SLC39A11: variants seen among roughly 807,000 people sequenced by gnomAD.
SLC39A11 encodes zinc transporter ZIP11.
A neutral mutation model predicts 36.1 loss-of-function variants in SLC39A11; 33 were observed. The observed-to-expected ratio is 0.91, with a 90% confidence interval of 0.69 to 1.22. The LOEUF is 1.22. Ranked by LOEUF, SLC39A11 falls within the 50% of genes most tolerant of loss-of-function variation. SLC39A11 has a pLI of 0.00. For missense variants in SLC39A11, 432 were observed against 430.3 expected (o/e 1.00, Z -0.03); for synonymous variants, 166 against 170.3 (o/e 0.97, Z 0.20).
chr17:72,685,983 C>CTATG (rs2071728852), intron 7 of SLC39A11, among the ~76,000 whole-genome samples: 1 of 151,858 alleles, frequency 6.6e-6, no homozygotes, highest in Non-Finnish European at 1.5e-5. Flanking sequence ...TTGCAGTGAG[C>CTATG]TATGATCCCA....
intron 6 of SLC39A11, among the ~76,000 whole-genome samples, chr17:72,760,308 G>A (rs773056016): frequency 3.3e-5 from 5 of 152,240 alleles, no homozygotes; most frequent in East Asian, 1.9e-4. Context: ...GACTACAGGC[G>A]TGAGCCACTG....
chr17:72,676,823 G>A (rs550539452), intron 7 of SLC39A11, among the ~76,000 whole-genome samples: 10 of 152,198 alleles, frequency 6.6e-5, no homozygotes, highest in African/African-American at 1.9e-4. Flanking sequence ...ATAAAATCTC[G>A]GGCACTGGTT....
At chr17:72,713,786 A>G (rs1161425022) in intron 7 of SLC39A11, among the ~76,000 whole-genome samples, 1 of 152,182 alleles carries the variant, frequency 6.6e-6, no homozygotes, top group Non-Finnish European at 1.5e-5. Context: ...GAGGGTGATA[A>G]TAACAGCTAT....
intron 7 of SLC39A11, among the ~76,000 whole-genome samples, chr17:72,706,189 C>T (rs2072887253): frequency 1.3e-5 from 2 of 152,140 alleles, no homozygotes; most frequent in Non-Finnish European, 2.9e-5. Context: ...TTATTCATGT[C>T]TCATTTGTGC....
At chr17:72,953,962 G>T (rs921648421) in intron 4 of SLC39A11, among the ~76,000 whole-genome samples, 15 of 152,196 alleles carry the variant, frequency 9.9e-5, no homozygotes, top group Non-Finnish European at 1.8e-4. Context: ...TGTTCATTTT[G>T]TTCTGAGGTT....
At chr17:73,046,889 T>G (rs1294225697) in intron 3 of SLC39A11, among the ~76,000 whole-genome samples, 1 of 152,052 alleles carries the variant, frequency 6.6e-6, no homozygotes, top group African/African-American at 2.4e-5. Context: ...TGCAGTGAGC[T>G]GTAATCTCAT....
chr17:73,075,018 A>G (rs907406154), intron 3 of SLC39A11, among the ~76,000 whole-genome samples: 2 of 152,218 alleles, frequency 1.3e-5, no homozygotes, highest in African/African-American at 4.8e-5. Context: ...GCAGACCCAC[A>G]GCAAATAAAA....
intron 6 of SLC39A11, among the ~76,000 whole-genome samples, chr17:72,838,772 C>T (rs2078681526): frequency 6.6e-6 from 1 of 152,056 alleles, no homozygotes; most frequent in Non-Finnish European, 1.5e-5. Context: ...TGCCACTGAC[C>T]TTGAGAAAAA....
chr17:73,006,811 C>T (rs2090208344), intron 4 of SLC39A11, among the ~76,000 whole-genome samples: 1 of 152,258 alleles, frequency 6.6e-6, no homozygotes, highest in Middle Eastern at 3.4e-3. Flanking sequence ...ACCGTTCACA[C>T]ATTTAGGAAG....
chr17:72,866,052 G>T (rs1160527840), intron 5 of SLC39A11, among the ~76,000 whole-genome samples: 1 of 152,180 alleles, frequency 6.6e-6, no homozygotes, highest in African/African-American at 2.4e-5. Context: ...ACCAGTATCC[G>T]TCCATGGCCT....
chr17:72,723,890 C>T (rs577051870), intron 7 of SLC39A11, among the ~76,000 whole-genome samples: 32 of 152,268 alleles, frequency 2.1e-4, no homozygotes, highest in African/African-American at 7.2e-4. Context: ...TTCTCCTCCA[C>T]GTGTTCTGGA....
At position 72,801,317 on chromosome 17, in the gene SLC39A11, T is replaced by C. The variant is rs1305172861; in HGVS notation, c.601+48317A>G. 2.6e-5 allele frequency among the ~76,000 whole-genome samples: 4 copies of C among 151,860 alleles called. No homozygotes were observed. The East Asian group carries it at 7.7e-4, about 29-fold the overall frequency. On this transcript the variant is annotated intron_variant, in intron 6 of 9. Coordinates refer to ENST00000255559, the MANE Select transcript of SLC39A11 (RefSeq NM_139177.4). ...CTCACTGCAACCTCTGCCTCCTGGG[T>C]TCAAGCAACTCTCCTGCCTCAGCCT...
In SLC39A11 at chr17:72,647,351, A is replaced by C. The variant is rs1248999449; in HGVS notation, c.*233T>G. On this transcript the variant is annotated 3_prime_UTR_variant, in exon 10 of 10. Transcript: ENST00000255559. ...TGAAGAGAGAGTCCATTCAGTGGCCAAAACAAAGAATCTGTATTTCCATGA... is the reference window on the plus strand; with the variant it reads ...TGAAGAGAGAGTCCATTCAGTGGCCCAAACAAAGAATCTGTATTTCCATGA... 8.2e-6 allele frequency: 3 copies of C among 366,638 alleles called. No individual in the cohort carries two copies. The highest frequency in any genetic ancestry group is 1.5e-5 in the Non-Finnish European group (3 of 201,464). 22.7% of individuals were successfully genotyped at this position (366,638 alleles called of 1,614,324 possible).
chr17:73,042,272 C>T (rs2143547080), intron 3 of SLC39A11, among the ~76,000 whole-genome samples: 1 of 152,290 alleles, frequency 6.6e-6, no homozygotes, highest in Non-Finnish European at 1.5e-5. Flanking sequence ...AAAATTATTG[C>T]ACATAGCTCA....
chr17:72,845,090 C>T (rs2078991727), intron 6 of SLC39A11, among the ~76,000 whole-genome samples: 1 of 152,240 alleles, frequency 6.6e-6, no homozygotes, highest in Non-Finnish European at 1.5e-5. Context: ...GATCTGGATT[C>T]TGCAGTGGCC....
intron 3 of SLC39A11, chr17:73,067,998 C>T (rs2060047099): frequency 1.3e-6 from 2 of 1,595,432 alleles, no homozygotes; most frequent in African/African-American, 2.7e-5. Flanking sequence ...AACAACTGTT[C>T]TGAGGCCACA....
chr17:72,954,081 C>G (rs1450432293), intron 4 of SLC39A11, among the ~76,000 whole-genome samples: 2 of 152,204 alleles, frequency 1.3e-5, no homozygotes, highest in Non-Finnish European at 2.9e-5. Flanking sequence ...GAGTCTCACT[C>G]TGTTGCCCAG....
chr17:72,819,526 G>A lies in SLC39A11; in HGVS notation c.601+30108C>T, dbSNP rs572780946. The stretch of plus-strand genomic sequence containing the variant: ...CCAATCCCACCTCTCTGCTCAGCAG[G>A]GAACCATGCAAAGTCCTTCTCTACT... On this transcript the variant is annotated intron_variant, in intron 6 of 9. Coordinates refer to ENST00000255559, the MANE Select transcript of SLC39A11 (RefSeq NM_139177.4). Among the ~76,000 whole-genome samples, 6 of 151,410 alleles carry A rather than the reference G, an allele frequency of 4.0e-5. 1 individual carries two copies. The East Asian group carries it at 1.2e-3, about 29-fold the overall frequency.
Position 72,802,601 on chromosome 17 carries a change from A to AAAAAAG in SLC39A11, c.601+47032_601+47033insCTTTTT, listed in dbSNP as rs1555677037. ...GTGAAACTCCATCTCAAAAAAAAAAAAAAAGAAAAGAAAAGAAAAGAAAAT... is the reference window on the plus strand; with the variant it reads ...GTGAAACTCCATCTCAAAAAAAAAAAAAAAAGAAAAGAAAAGAAAAGAAAAGAAAAT... On this transcript the variant is annotated intron_variant, in intron 6 of 9. Coordinates refer to ENST00000255559, the MANE Select transcript of SLC39A11 (RefSeq NM_139177.4). 2.8e-3 allele frequency among the ~76,000 whole-genome samples: 418 copies of AAAAAAG among 150,956 alleles called. 1 individual carries two copies. The highest frequency in any genetic ancestry group is 9.8e-3 in the African/African-American group (398 of 40,632).
Sources: gnomAD v4.1 joint callset for allele counts (sites outside exome capture counted in the v4.1 genomes callset) on GRCh38, gnomAD v4.1.1 for gene constraint, MANE v1.5 for transcripts, NCBI Gene and HGNC (gene_info 2026-07-23, HGNC 2026-07-21) for gene names.